The following SLA variants were observed in gnomAD, a reference collection of about 807,000 sequenced individuals.
The protein encoded by SLA is src-like-adapter.
Under a neutral mutation model 30.3 loss-of-function variants are expected in SLA, and 16 were observed. The ratio of observed to expected loss-of-function variants is 0.53; its 90% CI spans 0.36 to 0.80. The LOEUF (loss-of-function observed/expected upper bound fraction) is 0.80, where lower values mean the gene tolerates loss of function less well. Ranked by LOEUF, SLA falls within the 30% of genes least tolerant of loss-of-function variation. The pLI is 0.01. For missense variants in SLA, 310 were observed against 345.2 expected (o/e 0.90, Z 0.81); for synonymous variants, 143 against 137.8 (o/e 1.04, Z -0.26).
At chr8:133,078,843 A>C (rs2739165) in intron 1 of SLA, among the ~76,000 whole-genome samples, 1 of 152,108 alleles carries the variant, frequency 6.6e-6, no homozygotes, top group African/African-American at 2.4e-5. Context: ...TCTCAGGTAG[A>C]GCATGAATGT....
At chr8:133,096,212 GC>G in intron 1 of SLA, 1 of 1,614,222 alleles carries the variant, frequency 6.2e-7, no homozygotes, top group Non-Finnish European at 8.5e-7. Context: ...GCAGCTCCTG[GC>G]CGTGAGTGGC....
chr8:133,097,206 A>G (rs1044124596), intron 1 of SLA, among the ~76,000 whole-genome samples: 6 of 152,228 alleles, frequency 3.9e-5, no homozygotes, highest in Admixed American at 3.3e-4. Flanking sequence ...CCGGAATTTT[A>G]TTAAATCATG....
intron 7 of SLA, among the ~76,000 whole-genome samples, chr8:133,043,450 C>G (rs1838707698): frequency 6.6e-6 from 1 of 152,214 alleles, no homozygotes; most frequent in Admixed American, 6.5e-5. Context: ...TTTTACCTGG[C>G]TGCTAAGTTT....
intron 1 of SLA, among the ~76,000 whole-genome samples, chr8:133,090,934 C>T (rs1847410866): frequency 6.6e-6 from 1 of 152,158 alleles, no homozygotes; most frequent in South Asian, 2.1e-4. Context: ...CTGGTTAGAA[C>T]ATGGAGCTCT....
At chr8:133,067,739 G>A (rs1375766789) in intron 2 of SLA, among the ~76,000 whole-genome samples, 1 of 151,618 alleles carries the variant, frequency 6.6e-6, no homozygotes, top group African/African-American at 2.4e-5. Context: ...TCGCACCGCT[G>A]CACATTCCAG....
chr8:133,050,822 A>C lies in SLA; in HGVS notation c.155T>G (p.Ile52Ser). 4 of 1,604,684 alleles carry C rather than the reference A, an allele frequency of 2.5e-6. No individual in the cohort carries two copies. The highest frequency in any genetic ancestry group is 3.4e-6 in the Non-Finnish European group (4 of 1,171,296). ...IFRRGEKLRV[I>S]SDEGGWWKAI... ...TTTTGGAGAGCTGACTCACTCAGAA[A>C]TCACACGCAGTTTCTCCCCTCGGCG... Residue 52 changes from isoleucine (I) to serine (S), a missense_variant, in exon 4 of 9, where the codon ATT (isoleucine) becomes AGT (serine). Coordinates refer to ENST00000338087, the MANE Select transcript of SLA (RefSeq NM_001045556.3).
chr8:133,079,762 G>A (rs570885606), intron 1 of SLA, among the ~76,000 whole-genome samples: 4 of 152,114 alleles, frequency 2.6e-5, no homozygotes, highest in Non-Finnish European at 5.9e-5. Context: ...GCTTTCTATC[G>A]ATGGAGAAAA....
intron 1 of SLA, among the ~76,000 whole-genome samples, chr8:133,091,400 T>G (rs1055241102): frequency 6.6e-6 from 1 of 152,140 alleles, no homozygotes; most frequent in Non-Finnish European, 1.5e-5. Flanking sequence ...CAGAGGACCC[T>G]CTGACACATG....
chr8:133,045,505 C>G (rs772308694), intron 6 of SLA, among the ~76,000 whole-genome samples: 11 of 151,528 alleles, frequency 7.3e-5, no homozygotes, highest in Non-Finnish European at 1.5e-4. Context: ...AGGGATCCTC[C>G]CACCTCAGCC....
At position 133,037,767 on chromosome 8, in the gene SLA, G is replaced by C. The variant is rs2777; in HGVS notation, c.*757C>G. ...AGCATCCCAGAGAAGCTCTGTCTGC[G>C]CTGCAAAGCCATGGCTGCAGACATC... On this transcript the variant is annotated 3_prime_UTR_variant, in exon 9 of 9. Transcript: ENST00000338087. The C allele has an allele frequency of 2.6e-5, 4 of 151,850 alleles. No individual in the cohort carries two copies. Among genetic ancestry groups the C allele is most frequent in the Non-Finnish European group, 5.9e-5 (4 of 67,962 alleles). 9.4% of individuals were successfully genotyped at this position (151,850 alleles called of 1,614,324 possible).
At chr8:133,038,851 G>T in intron 8 of SLA, 114 bp from the exon 9 acceptor site, 1 of 637,160 alleles carries the variant, frequency 1.6e-6, no homozygotes, top group South Asian at 2.0e-5. Flanking sequence ...CAAAAATCCT[G>T]GTGACTATTT....
At position 133,083,661 on chromosome 8, in the gene SLA, G is replaced by A. The variant is rs117310387; in HGVS notation, c.-318-8531C>T. Among the ~76,000 whole-genome samples, 98 of 152,088 alleles carry A rather than the reference G, an allele frequency of 6.4e-4. 1 individual carries two copies. The East Asian group carries it at 0.016, about 25-fold the overall frequency. ...AGAGTCAGTAAGATTTCTTCAACCC[G>A]AAAGCCCATGATCTCTCTATTTTTT... On this transcript the variant is annotated intron_variant, in intron 1 of 8. Coordinates refer to ENST00000338087, the MANE Select transcript of SLA (RefSeq NM_001045556.3).
chr8:133,057,331 G>T (rs1042546736), intron 3 of SLA, among the ~76,000 whole-genome samples: 2 of 152,174 alleles, frequency 1.3e-5, no homozygotes, highest in African/African-American at 2.4e-5. Context: ...ATCCTGTACT[G>T]CCCATGTCTG....
rs1837221221 is a variant in SLA at position 133,036,956 on chromosome 8, C to T, written c.*1568G>A. ...TGTCCACAGTGTTACATTCATTTCT[C>T]ATACGTTGGCTGGTTCCTTTGAAAT... On this transcript the variant is annotated 3_prime_UTR_variant, in exon 9 of 9. Coordinates refer to ENST00000338087, the MANE Select transcript of SLA (RefSeq NM_001045556.3). 1 of 152,362 alleles carries T rather than the reference C, an allele frequency of 6.6e-6. No homozygotes were observed. The highest frequency in any genetic ancestry group is 1.5e-5 in the Non-Finnish European group (1 of 68,046). 9.4% of individuals were successfully genotyped at this position (152,362 alleles called of 1,614,324 possible).
chr8:133,077,607 G>A (rs148789518), intron 1 of SLA, among the ~76,000 whole-genome samples: 79 of 152,350 alleles, frequency 5.2e-4, no homozygotes, highest in Non-Finnish European at 9.4e-4. Context: ...ACCAGAGACG[G>A]CAGGGCTGAA....
At chr8:133,059,316 T>C (rs1842027219) in intron 3 of SLA, 2 of 360,514 alleles carry the variant, frequency 5.5e-6, no homozygotes, top group African/African-American at 2.1e-5. Flanking sequence ...ATGAGAATTA[T>C]GGACTAGGAA....
chr8:133,084,239 T>A (rs1846170813), intron 1 of SLA, among the ~76,000 whole-genome samples: 1 of 152,146 alleles, frequency 6.6e-6, no homozygotes, highest in Admixed American at 6.5e-5. Context: ...AGACTTTGCC[T>A]CTGTCTAGGC....
At chr8:133,061,802 C>A (rs563859874) in intron 2 of SLA, among the ~76,000 whole-genome samples, 1 of 152,148 alleles carries the variant, frequency 6.6e-6, no homozygotes, top group South Asian at 2.1e-4. Context: ...TGTACAGGTT[C>A]TGGAAAGAAG....
intron 6 of SLA, 92 bp from the exon 7 acceptor site, chr8:133,045,207 C>CAA: frequency 7.4e-7 from 1 of 1,358,412 alleles, no homozygotes; most frequent in Admixed American, 1.9e-5. Context: ...GGCAGGGAGA[C>CAA]CTGCCCACCC....
Sources: gnomAD v4.1 joint callset for allele counts (sites outside exome capture counted in the v4.1 genomes callset) on GRCh38, gnomAD v4.1.1 for gene constraint, MANE v1.5 for transcripts, NCBI Gene and HGNC (gene_info 2026-07-23, HGNC 2026-07-21) for gene names.